Variants in FCGR1A observed in about 807,000 individuals in gnomAD.
The protein encoded by FCGR1A is high affinity immunoglobulin gamma Fc receptor I.
Under a neutral mutation model 35.0 loss-of-function variants are expected in FCGR1A, and 13 were observed. That is an observed-to-expected ratio of 0.37 (90% CI 0.24 to 0.59). The LOEUF is 0.59. Ranked by LOEUF, FCGR1A falls within the 20% of genes least tolerant of loss-of-function variation. The probability of loss-of-function intolerance (pLI) is 0.71; values close to 1 mark genes in which losing one functional copy is unlikely to be tolerated. For synonymous variants in FCGR1A, 91 were observed against 164.7 expected, an observed-to-expected ratio of 0.55 and a Z score of 3.43; for missense variants, 227 against 430.0, an observed-to-expected ratio of 0.53 and a Z score of 4.17.
In FCGR1A at chr1:149,790,175, C is replaced by G; in HGVS notation, c.681C>G (p.Phe227Leu). 3.1e-6 allele frequency: 5 copies of G among 1,613,996 alleles called. No homozygotes were observed. The highest frequency in any genetic ancestry group is 4.2e-6 in the Non-Finnish European group (5 of 1,179,870). Residue 227 changes from phenylalanine (F) to leucine (L), a missense_variant, in exon 5 of 6, where the codon TTC becomes TTG. By Grantham distance (22) the Phe-to-Leu change is conservative. This residue lies in a region of FCGR1A where 185 missense variants were observed against 306.6 expected (regional missense o/e 0.60). Coordinates refer to ENST00000369168, the MANE Select transcript of FCGR1A (RefSeq NM_000566.4). Reference sequence around the variant, plus strand: ...AGAGGCCTGGTTTGCAGCTTTACTTCTCCTTCTACATGGGCAGCAAGACCC... The same window carrying G: ...AGAGGCCTGGTTTGCAGCTTTACTTGTCCTTCTACATGGGCAGCAAGACCC... The part of the protein sequence containing the change: ...LLQRPGLQLY[F>L]SFYMGSKTLR...
At chr1:149,797,958 G>C in the FCGR1A span, among the ~76,000 whole-genome samples, 1 of 151,078 alleles carries the variant, frequency 6.6e-6, no homozygotes, top group South Asian at 2.1e-4. Flanking sequence ...ATATTTCACA[G>C]TGGAATGACA....
At chr1:149,794,034 G>T (rs782747691), downstream of FCGR1A, 6 of 630,246 alleles carry the variant, frequency 9.5e-6, no homozygotes, top group South Asian at 7.4e-5. Flanking sequence ...CTGGCTGGGA[G>T]GGGGCTGACG....
At position 149,788,582 on chromosome 1, in the gene FCGR1A, G is replaced by T. The variant is rs658160; in HGVS notation, c.524G>T (p.Arg175Leu). 3.1e-6 allele frequency: 5 copies of T among 1,613,834 alleles called. No homozygotes were observed. The highest frequency in any genetic ancestry group is 2.2e-5 in the East Asian group (1 of 44,888). The stretch of plus-strand genomic sequence containing the variant: ...CATTGCTCAGGCATGGGAAAGCATC[G>T]CTACACATCAGCAGGAATATCTGTC... ...TYHCSGMGKHRYTSAGISVTV... is the reference protein window; with the variant it reads ...TYHCSGMGKHLYTSAGISVTV... The change falls in exon 4 of 6, where the codon CGC (arginine) becomes CTC (leucine). Residue 175 changes from arginine (R) to leucine (L), a missense_variant. Transcript: ENST00000369168.
Position 149,791,567 on chromosome 1 carries a change from C to T in FCGR1A, c.*50C>T. 1 of 1,608,578 alleles carries T rather than the reference C, an allele frequency of 6.2e-7. No homozygotes were observed. The highest frequency in any genetic ancestry group is 8.5e-7 in the Non-Finnish European group (1 of 1,178,600). On this transcript the variant is annotated 3_prime_UTR_variant, in exon 6 of 6. Coordinates refer to ENST00000369168, the MANE Select transcript of FCGR1A (RefSeq NM_000566.4). ...ATCTGGACCGTCCCCTGCCCACTTG[C>T]TCCCCGTGAGCACTGCGTACAAACA...
At chr1:149,786,738 G>C (rs1227453499) in intron 3 of FCGR1A, 2 of 152,140 alleles carry the variant, frequency 1.3e-5, no homozygotes, top group Non-Finnish European at 2.9e-5. Context: ...TACCATTTAA[G>C]TTTAAAAACT....
the FCGR1A span, among the ~76,000 whole-genome samples, chr1:149,797,711 C>A: frequency 6.6e-6 from 1 of 152,172 alleles, no homozygotes; most frequent in South Asian, 2.1e-4. Context: ...GATCCTCCTG[C>A]CTCGGCCTCC....
At chr1:149,792,820 C>G, downstream of FCGR1A, 1 of 1,278,836 alleles carries the variant, frequency 7.8e-7, no homozygotes, top group Non-Finnish European at 1.0e-6. Flanking sequence ...TGGGCAGCAA[C>G]GGCGGCAGGC....
downstream of FCGR1A, chr1:149,793,348 A>T (rs1444334337): frequency 8.7e-7 from 1 of 1,144,546 alleles, no homozygotes; most frequent in African/African-American, 1.7e-5. Flanking sequence ...GCAGGAAGGG[A>T]GCTGGCTCGG....
chr1:149,784,753 G>A (rs1424548299), intron 3 of FCGR1A, among the ~76,000 whole-genome samples: 1 of 149,632 alleles, frequency 6.7e-6, no homozygotes, highest in African/African-American at 2.4e-5. Flanking sequence ...GCTGTGGGTG[G>A]TAGAACACTT....
chr1:149,788,650 T>C lies in FCGR1A; in HGVS notation c.559+33T>C, dbSNP rs782265414. ...ATTGGAATAGTCATAGAACTGATAG[T>C]CCCTCCCCCTGAGGGACCATCATAA... On this transcript the variant is annotated intron_variant, in intron 4 of 5. Coordinates refer to ENST00000369168, the MANE Select transcript of FCGR1A (RefSeq NM_000566.4). 1.1e-5 allele frequency: 18 copies of C among 1,613,432 alleles called. No homozygotes were observed. The South Asian group carries it at 2.0e-4, about 18-fold the overall frequency.
downstream of FCGR1A, chr1:149,791,875 GAC>G: frequency 2.6e-5 from 7 of 269,558 alleles, no homozygotes; most frequent in South Asian, 4.0e-5. Flanking sequence ...GACAGAAAGA[GAC>G]ACACACACAG....
chr1:149,782,868 C>T (rs1553750384), intron 1 of FCGR1A, 94 bp downstream of exon 1: 3 of 1,568,460 alleles, frequency 1.9e-6, no homozygotes, highest in Non-Finnish European at 1.7e-6. Context: ...CTGGGTAGAA[C>T]TCATGAGTAT....
rs587681037 is a variant in FCGR1A at position 149,789,317 on chromosome 1, C to G, written c.559+700C>G. ...CTGAGGCAGGAGAATAGCATGAACC[C>G]GGGAAGCGGAGCTTGCAGTGAGCTG... On this transcript the variant is annotated intron_variant, in intron 4 of 5. Transcript: ENST00000369168. 5.9e-3 allele frequency among the ~76,000 whole-genome samples: 896 copies of G among 152,102 alleles called. 14 individuals carry two copies. The East Asian group carries it at 0.063, about 11-fold the overall frequency.
downstream of FCGR1A, chr1:149,791,678 C>T (rs1241118678): frequency 2.3e-6 from 3 of 1,294,020 alleles, no homozygotes; most frequent in East Asian, 7.8e-5. Flanking sequence ...AACTGGGATA[C>T]ATTTGGAAAT....
the FCGR1A span, among the ~76,000 whole-genome samples, chr1:149,799,293 G>T: frequency 6.6e-6 from 1 of 151,732 alleles, no homozygotes; most frequent in Non-Finnish European, 1.5e-5. Context: ...GAGCCCAAAT[G>T]AGTTGGATGT....
At chr1:149,794,091 T>C (rs587608567), downstream of FCGR1A, 10 of 500,946 alleles carry the variant, frequency 2.0e-5, no homozygotes, top group East Asian at 3.4e-4. Context: ...CCTCGGGCTG[T>C]AGAGAGACAA....
At chr1:149,796,800 A>G in the FCGR1A span, among the ~76,000 whole-genome samples, 2 of 152,180 alleles carry the variant, frequency 1.3e-5, no homozygotes, top group South Asian at 2.1e-4. Context: ...AGCCTTCATA[A>G]TATCTGTTGT....
At chr1:149,793,554 G>A (rs1319551810), downstream of FCGR1A, among the ~76,000 whole-genome samples, 1 of 152,016 alleles carries the variant, frequency 6.6e-6, no homozygotes, top group Admixed American at 6.5e-5. Flanking sequence ...CGGACTTAGA[G>A]GGGTGGTGGG....
rs1553751152 is a variant in FCGR1A at position 149,788,514 on chromosome 1, C to A, written c.456C>A (p.Asn152Lys). 6.2e-7 allele frequency: 1 copy of A among 1,613,698 alleles called. No homozygotes were observed. The highest frequency in any genetic ancestry group is 8.5e-7 in the Non-Finnish European group (1 of 1,179,836). ...TTAAGTTTTTCCACTGGAATTCTAA[C>A]CTCACCATTCTGAAAACCAACATAA... is the stretch of plus-strand genomic sequence containing the variant. ...KAFKFFHWNSNLTILKTNISH... is the reference protein window; with the variant it reads ...KAFKFFHWNSKLTILKTNISH... The change falls in exon 4 of 6, where the codon AAC (asparagine) becomes AAA (lysine). Residue 152 changes from asparagine to lysine, a missense_variant. By Grantham distance (94) the Asn-to-Lys change is moderately conservative. Transcript: ENST00000369168.
Sources: gnomAD v4.1 joint callset for allele counts (sites outside exome capture counted in the v4.1 genomes callset) on GRCh38, gnomAD v4.1.1 for gene constraint, gnomAD v4.1.1 regional missense constraint, MANE v1.5 for transcripts, NCBI Gene and HGNC (gene_info 2026-07-23, HGNC 2026-07-21) for gene names.